The following ERC1 variants were observed in gnomAD, a reference collection of about 807,000 sequenced individuals.
The protein encoded by ERC1 is RAB6 interacting protein 2.
In ERC1, 56 loss-of-function variants were observed where a neutral mutation model predicts 132.0. The ratio of observed to expected loss-of-function variants is 0.42; its 90% CI spans 0.34 to 0.53. The LOEUF (loss-of-function observed/expected upper bound fraction) is 0.53. ERC1 is among the 20% of genes least tolerant of loss of function. The probability of loss-of-function intolerance (pLI) is 0.03; values close to 1 mark genes in which losing one functional copy is unlikely to be tolerated. For missense variants in ERC1, 1,202 were observed against 1,349.9 expected (o/e 0.89, Z 1.72); for synonymous variants, 478 against 476.1 (o/e 1.00, Z -0.05).
chr12:1,293,411 C>A (rs1314488757), intron 15 of ERC1, among the ~76,000 whole-genome samples: 3 of 126,356 alleles, frequency 2.4e-5, no homozygotes, highest in Admixed American at 1.5e-4. Flanking sequence ...TGAGATCGTG[C>A]CACTGCACTC....
At chr12:1,321,182 A>G (rs539028348) in intron 15 of ERC1, among the ~76,000 whole-genome samples, 1 of 152,362 alleles carries the variant, frequency 6.6e-6, no homozygotes, top group East Asian at 1.9e-4. Flanking sequence ...AGGTCACAAC[A>G]GGACATAAAC....
At chr12:1,423,933 T>G (rs2092521815) in intron 17 of ERC1, among the ~76,000 whole-genome samples, 1 of 152,240 alleles carries the variant, frequency 6.6e-6, no homozygotes, top group Non-Finnish European at 1.5e-5. Context: ...GTAAATATTG[T>G]TAAACAAGTA....
At chr12:1,035,993 C>T (rs1256858941) in intron 2 of ERC1, among the ~76,000 whole-genome samples, 4 of 151,660 alleles carry the variant, frequency 2.6e-5, no homozygotes, top group Non-Finnish European at 4.4e-5. Context: ...TATCATCATA[C>T]TTTTTAAATT....
intron 6 of ERC1, among the ~76,000 whole-genome samples, chr12:1,113,621 T>C (rs1946129894): frequency 6.6e-6 from 1 of 152,224 alleles, no homozygotes; most frequent in African/African-American, 2.4e-5. Flanking sequence ...ATAGTATATA[T>C]TAAAAAGGGA....
At chr12:1,374,219 G>T (rs966224246) in intron 16 of ERC1, among the ~76,000 whole-genome samples, 1 of 152,234 alleles carries the variant, frequency 6.6e-6, no homozygotes, top group African/African-American at 2.4e-5. Flanking sequence ...GAAGCAGTCA[G>T]CATTGACCAG....
At chr12:1,064,229 T>A (rs532078471) in intron 2 of ERC1, among the ~76,000 whole-genome samples, 3 of 152,154 alleles carry the variant, frequency 2.0e-5, no homozygotes, top group Admixed American at 2.0e-4. Context: ...ACTTTTTTTT[T>A]TTTTTTGAGA....
At chr12:1,281,351 A>G (rs1222954541) in intron 14 of ERC1, among the ~76,000 whole-genome samples, 1 of 152,184 alleles carries the variant, frequency 6.6e-6, no homozygotes, top group East Asian at 1.9e-4. Context: ...ATGCCTTTTC[A>G]GAAGAGAAAT....
chr12:1,372,555 G>T (rs540671506), intron 16 of ERC1, among the ~76,000 whole-genome samples: 1 of 152,256 alleles, frequency 6.6e-6, no homozygotes, highest in South Asian at 2.1e-4. Context: ...CTTAAAAATC[G>T]TTAAAATGGT....
At chr12:1,202,258 A>G (rs1046822690) in intron 12 of ERC1, among the ~76,000 whole-genome samples, 1 of 152,206 alleles carries the variant, frequency 6.6e-6, no homozygotes, top group Non-Finnish European at 1.5e-5. Context: ...GTGGTCTTAC[A>G]GGAATCTGTG....
intron 12 of ERC1, among the ~76,000 whole-genome samples, chr12:1,233,944 G>C (rs1209656236): frequency 6.6e-6 from 1 of 152,086 alleles, no homozygotes; most frequent in African/African-American, 2.4e-5. Context: ...CTGATATTGA[G>C]GAATTGTTAA....
At chr12:1,342,227 G>C (rs2154362768) in intron 15 of ERC1, among the ~76,000 whole-genome samples, 1 of 152,036 alleles carries the variant, frequency 6.6e-6, no homozygotes, top group East Asian at 1.9e-4. Flanking sequence ...CACTTTGGGA[G>C]GCCGAGGCTG....
intron 2 of ERC1, among the ~76,000 whole-genome samples, chr12:1,072,057 C>T (rs1231129396): frequency 1.3e-5 from 2 of 150,938 alleles, no homozygotes; most frequent in Admixed American, 6.6e-5. Context: ...GCCAAGATTG[C>T]GCCACTACAC....
In ERC1 at chr12:1,463,364, G is replaced by A. The variant is rs1592208589; in HGVS notation, c.3213+18614G>A. On this transcript the variant is annotated intron_variant, in intron 18 of 18. Transcript: ENST00000360905. Reference sequence around the variant, plus strand: ...GTATCGCTCAAGTAGCCAAATGGATGTAGCTGTTGGGGGACAGGGCCTGAG... The same window carrying A: ...GTATCGCTCAAGTAGCCAAATGGATATAGCTGTTGGGGGACAGGGCCTGAG... 3.3e-5 allele frequency among the ~76,000 whole-genome samples: 5 copies of A among 152,306 alleles called. No individual in the cohort carries two copies. In the South Asian group the frequency reaches 1.0e-3, roughly 32 times the overall value.
rs751682491 is a variant in ERC1, at chr12:1,112,308, G to C, written c.1401+10G>C. The C allele has an allele frequency of 1.9e-6, 3 of 1,603,942 alleles. No homozygotes were observed. Among genetic ancestry groups the C allele is most frequent in the Non-Finnish European group, 2.6e-6 (3 of 1,171,256 alleles). On this transcript the variant is annotated intron_variant, in intron 6 of 18. Coordinates refer to ENST00000360905, the MANE Select transcript of ERC1 (RefSeq NM_178040.4). ...TGGTCTTCAGGCTGAGGTCTTTGCC[G>C]TAAGATTTACCTCTTTGTGTGCAGT...
chr12:1,083,314 C>T lies in ERC1; in HGVS notation c.820C>T (p.His274Tyr), dbSNP rs766855127. Residue 274 changes from histidine (H) to tyrosine (Y), a missense_variant, in exon 3 of 19, where the codon CAT (histidine) becomes TAT (tyrosine). Transcript: ENST00000360905. ...GAACTTTCAGAGGCTTCATGCTGAG[C>T]ATGAGCGGCAGGCCAAAGAGCTGTT... Reference protein sequence around the residue: ...EENFQRLHAEHERQAKELFLL... With the variant: ...EENFQRLHAEYERQAKELFLL... 3 of 1,614,036 alleles carry T rather than the reference C, an allele frequency of 1.9e-6. No homozygotes were observed. The highest frequency in any genetic ancestry group is 2.5e-6 in the Non-Finnish European group (3 of 1,180,024).
chr12:1,127,946 C>T (rs887245504), intron 7 of ERC1, among the ~76,000 whole-genome samples: 5 of 152,148 alleles, frequency 3.3e-5, no homozygotes, highest in South Asian at 4.1e-4. Context: ...AAAGGTCGGA[C>T]GAGAAAAAAA....
chr12:1,108,313 G>A (rs1301367781), intron 4 of ERC1, among the ~76,000 whole-genome samples: 1 of 152,166 alleles, frequency 6.6e-6, no homozygotes, highest in African/African-American at 2.4e-5. Flanking sequence ...ATATTTTTAA[G>A]GGCCTTGTAG....
rs145329992 is a variant in ERC1 at position 996,209 on chromosome 12, C to T, written c.-157+4887C>T. The stretch of plus-strand genomic sequence containing the variant: ...GTTCACACCATTCTGCCTCAGCCTC[C>T]GGAGTAGCTGGGACTACAGGTGCCC... On this transcript the variant is annotated intron_variant, in intron 1 of 18. Transcript: ENST00000360905. Among the ~76,000 whole-genome samples the T allele has an allele frequency of 8.4e-3, 1,210 of 143,678 alleles. 10 individuals are homozygous for T. Among genetic ancestry groups the T allele is most frequent in the Middle Eastern group, 0.015 (4 of 264 alleles). 94.3% of individuals were successfully genotyped at this position (143,678 alleles called of 152,430 possible). A position where few individuals can be genotyped will look rare whatever the true frequency, so the allele number is the denominator to read the frequency against.
At chr12:1,435,884 T>G (rs185221420) in intron 17 of ERC1, among the ~76,000 whole-genome samples, 4 of 152,300 alleles carry the variant, frequency 2.6e-5, no homozygotes, top group African/African-American at 7.2e-5. Context: ...TTCTCTTGGA[T>G]TTCGGGTAAT....
Sources: allele counts gnomAD v4.1 joint callset (sites outside exome capture counted in the v4.1 genomes callset), GRCh38; gene constraint gnomAD v4.1.1; transcripts MANE v1.5; gene names NCBI Gene and HGNC (gene_info 2026-07-23, HGNC 2026-07-21).